Variants in KPNA3 observed in about 807,000 individuals in gnomAD.
KPNA3 encodes importin subunit alpha-4.
In KPNA3, 13 loss-of-function variants were observed where a neutral mutation model predicts 73.8. The observed-to-expected ratio is 0.18, with a 90% CI of 0.11 to 0.28. The LOEUF is 0.28. Among genes scored for constraint, KPNA3 ranks in the 10% least tolerant of loss-of-function variants. The pLI is 1.00. For missense variants in KPNA3, 360 were observed against 618.1 expected (o/e 0.58, Z 4.43); for synonymous variants, 186 against 206.9 (o/e 0.90, Z 0.87).
intron 1 of KPNA3, among the ~76,000 whole-genome samples, chr13:49,775,908 T>A (rs1954894829): frequency 6.6e-6 from 1 of 152,174 alleles, no homozygotes; most frequent in Non-Finnish European, 1.5e-5. Context: ...ACTTTCTCCC[T>A]CTGTATTCCG....
At chr13:49,712,782 G>A (rs1954271630) in intron 10 of KPNA3, among the ~76,000 whole-genome samples, 1 of 151,400 alleles carries the variant, frequency 6.6e-6, no homozygotes, top group Non-Finnish European at 1.5e-5. Flanking sequence ...TAGTAAGAGA[G>A]CATTAAAAAG....
In KPNA3 at chr13:49,710,321, G is replaced by T. The variant is rs1263399303; in HGVS notation, c.903+570C>A. On this transcript the variant is annotated intron_variant, in intron 11 of 16. Coordinates refer to ENST00000261667, the MANE Select transcript of KPNA3 (RefSeq NM_002267.4). ...ATGGGCACACACTTCCACCTAGAAA[G>T]TCACTTTGGTAAAGCAGGATGAACA... 5.9e-5 allele frequency among the ~76,000 whole-genome samples: 9 copies of T among 152,068 alleles called. No homozygotes were observed. The East Asian group carries it at 1.7e-3, about 29-fold the overall frequency.
intron 11 of KPNA3, 40 bp downstream of exon 11, chr13:49,710,851 C>T: frequency 1.3e-6 from 2 of 1,579,618 alleles, no homozygotes; most frequent in Non-Finnish European, 1.7e-6. Context: ...TTATAGCAAA[C>T]ACAACTGTAT....
At chr13:49,754,853 C>T (rs937840595) in intron 1 of KPNA3, among the ~76,000 whole-genome samples, 9 of 152,028 alleles carry the variant, frequency 5.9e-5, no homozygotes, top group African/African-American at 1.4e-4. Context: ...ATTTGAATAA[C>T]GCTGTTAACT....
chr13:49,722,140 T>C lies in KPNA3; in HGVS notation c.557-16A>G. 1 of 1,491,146 alleles carries C rather than the reference T, an allele frequency of 6.7e-7. No homozygotes were observed. The highest frequency in any genetic ancestry group is 9.0e-7 in the Non-Finnish European group (1 of 1,116,366). 92.4% of individuals were successfully genotyped at this position (1,491,146 alleles called of 1,614,324 possible). A position where few individuals can be genotyped will look rare whatever the true frequency, so the allele number is the denominator to read the frequency against. ...GGACCATCACCTACAGAAATGAAAATTATATTTAAAAAAAACTTACATTCA... is the reference window on the plus strand; with the variant it reads ...GGACCATCACCTACAGAAATGAAAACTATATTTAAAAAAAACTTACATTCA... On this transcript the variant is annotated splice_polypyrimidine_tract_variant and intron_variant, in intron 8 of 16. Coordinates refer to ENST00000261667, the MANE Select transcript of KPNA3 (RefSeq NM_002267.4).
At chr13:49,718,479 C>T (rs1175336639) in intron 10 of KPNA3, among the ~76,000 whole-genome samples, 4 of 152,114 alleles carry the variant, frequency 2.6e-5, no homozygotes, top group Non-Finnish European at 4.4e-5. Flanking sequence ...TTTTATTTGC[C>T]TATAATTAAT....
intron 2 of KPNA3, among the ~76,000 whole-genome samples, chr13:49,739,381 T>C (rs1396116343): frequency 6.6e-6 from 1 of 152,172 alleles, no homozygotes; most frequent in Non-Finnish European, 1.5e-5. Flanking sequence ...TATAGCATAA[T>C]GGTAAGAGCT....
chr13:49,721,574 C>T (rs1954358723), intron 9 of KPNA3, among the ~76,000 whole-genome samples: 1 of 152,134 alleles, frequency 6.6e-6, no homozygotes, highest in African/African-American at 2.4e-5. Flanking sequence ...CATCCCAGCA[C>T]TTTGGGAGGC....
At chr13:49,737,768 C>T (rs116079984) in intron 2 of KPNA3, among the ~76,000 whole-genome samples, 2 of 152,088 alleles carry the variant, frequency 1.3e-5, no homozygotes, top group African/African-American at 4.8e-5. Flanking sequence ...TGCCACTGCA[C>T]CTGGCTCTTA....
At position 49,701,883 on chromosome 13, in the gene KPNA3, A is replaced by G. The variant is rs1348916614; in HGVS notation, c.1483T>C (p.Cys495Arg). 2 of 1,611,524 alleles carry G rather than the reference A, an allele frequency of 1.2e-6. No individual in the cohort carries two copies. The highest frequency in any genetic ancestry group is 2.7e-5 in the African/African-American group (2 of 74,908). The change falls in exon 17 of 17, where the codon TGC becomes CGC. Residue 495 changes from cysteine to arginine, a missense_variant. This residue lies in a region of KPNA3 where 38 missense variants were observed against 39.0 expected (regional missense o/e 0.98). Coordinates refer to ENST00000261667, the MANE Select transcript of KPNA3 (RefSeq NM_002267.4). ...FSGDDIDEDP[C>R]LIPEATQGGT... ...CCTTGTGTTGCTTCAGGAATGAGGC[A>G]GGGATCTTCATCAATCTGTAAAAAA...
At chr13:49,718,690 A>G (rs1954327522) in intron 10 of KPNA3, among the ~76,000 whole-genome samples, 1 of 152,208 alleles carries the variant, frequency 6.6e-6, no homozygotes. Context: ...CATTTTGGAA[A>G]TAAGACGGCA....
chr13:49,709,823 C>A, intron 11 of KPNA3, 123 bp from the exon 12 acceptor site: 2 of 769,826 alleles, frequency 2.6e-6, no homozygotes, highest in South Asian at 5.7e-5. Flanking sequence ...CATCCTTTCA[C>A]AAAGCACCAA....
chr13:49,754,048 G>A (rs752998182), intron 1 of KPNA3, among the ~76,000 whole-genome samples: 1 of 152,198 alleles, frequency 6.6e-6, no homozygotes, highest in Non-Finnish European at 1.5e-5. Context: ...TGTAATCCCA[G>A]CAATTTGGGA....
rs1594441168 is a variant in KPNA3, at chr13:49,732,548, C to G, written c.287+57G>C. ...TAACAACATATTAACTTCTAGACTACCAGGTAACACAACTGAGGAATGACA... is the reference window on the plus strand; with the variant it reads ...TAACAACATATTAACTTCTAGACTAGCAGGTAACACAACTGAGGAATGACA... On this transcript the variant is annotated intron_variant, in intron 5 of 16. Transcript: ENST00000261667. 3.4e-6 allele frequency: 5 copies of G among 1,454,228 alleles called. No homozygotes were observed. In the East Asian group the frequency reaches 1.1e-4, roughly 33 times the overall value. 90.1% of individuals were successfully genotyped at this position (1,454,228 alleles called of 1,614,324 possible). A position where few individuals can be genotyped will look rare whatever the true frequency, so the allele number is the denominator to read the frequency against.
At chr13:49,718,494 T>C (rs1407348326) in intron 10 of KPNA3, among the ~76,000 whole-genome samples, 1 of 152,198 alleles carries the variant, frequency 6.6e-6, no homozygotes, top group African/African-American at 2.4e-5. Flanking sequence ...ATTAATTCTA[T>C]AATGTTCTGG....
At chr13:49,778,976 T>C (rs1954920123) in intron 1 of KPNA3, among the ~76,000 whole-genome samples, 1 of 152,196 alleles carries the variant, frequency 6.6e-6, no homozygotes, top group African/African-American at 2.4e-5. Flanking sequence ...TTTTCTGAAA[T>C]CAGAAAACCT....
chr13:49,736,113 T>G (rs1331860093), intron 2 of KPNA3, among the ~76,000 whole-genome samples: 1 of 152,180 alleles, frequency 6.6e-6, no homozygotes, highest in African/African-American at 2.4e-5. Flanking sequence ...ACTTTAAATC[T>G]TCATCTAGTT....
chr13:49,758,320 C>T (rs1401049581), intron 1 of KPNA3, among the ~76,000 whole-genome samples: 1 of 151,960 alleles, frequency 6.6e-6, no homozygotes, highest in East Asian at 1.9e-4. Context: ...AAAAGCAATC[C>T]CTAAAAATAA....
intron 1 of KPNA3, among the ~76,000 whole-genome samples, chr13:49,775,399 A>G (rs1285141443): frequency 2.0e-5 from 3 of 151,940 alleles, no homozygotes; most frequent in Non-Finnish European, 2.9e-5. Context: ...CCGGGTGGCC[A>G]CCCCTAGGGC....
Sources: gnomAD v4.1 joint callset for allele counts (sites outside exome capture counted in the v4.1 genomes callset) on GRCh38, gnomAD v4.1.1 for gene constraint, gnomAD v4.1.1 regional missense constraint, MANE v1.5 for transcripts, NCBI Gene and HGNC (gene_info 2026-07-23, HGNC 2026-07-21) for gene names.